The following DNAH3 variants were observed in gnomAD, a reference collection of about 807,000 sequenced individuals.
The protein encoded by DNAH3 is axonemal beta dynein heavy chain 3.
DNAH3 carries 332 observed loss-of-function variants against 432.5 expected under a neutral mutation model. The ratio of observed to expected loss-of-function variants is 0.77; its 90% CI spans 0.70 to 0.84. The LOEUF is 0.84. Ranked by LOEUF, DNAH3 falls within the 40% of genes least tolerant of loss-of-function variation. The probability of loss-of-function intolerance (pLI) is 0.00; values close to 1 mark genes in which losing one functional copy is unlikely to be tolerated. For missense variants in DNAH3, 4,861 were observed against 5,114.0 expected (o/e 0.95, Z 1.51); for synonymous variants, 1,956 against 1,900.2 (o/e 1.03, Z -0.76).
chr16:21,060,605 A>G (rs1597273519), intron 25 of DNAH3, among the ~76,000 whole-genome samples: 2 of 139,826 alleles, frequency 1.4e-5, no homozygotes, highest in South Asian at 4.5e-4. Context: ...GCTCACTGCA[A>G]CCTCCGACTC....
chr16:21,094,892 T>C (rs1308328935), intron 18 of DNAH3, among the ~76,000 whole-genome samples: 1 of 152,212 alleles, frequency 6.6e-6, no homozygotes, highest in African/African-American at 2.4e-5. Flanking sequence ...TCAGTTCCCC[T>C]GCACATGCTC....
At chr16:21,082,314 C>T (rs2091216876) in intron 19 of DNAH3, among the ~76,000 whole-genome samples, 1 of 152,168 alleles carries the variant, frequency 6.6e-6, no homozygotes, top group Non-Finnish European at 1.5e-5. Flanking sequence ...CCTCGACCTC[C>T]TGAGCAGCTG....
At chr16:20,944,608 C>T in exon 58 of DNAH3, 1 of 1,614,034 alleles carries the variant, frequency 6.2e-7, no homozygotes, top group Admixed American at 1.7e-5. Flanking sequence ...CTCATGGAGG[C>T]CGAACACTTC....
chr16:21,132,144 T>C (rs548466351), intron 7 of DNAH3, among the ~76,000 whole-genome samples: 1 of 152,190 alleles, frequency 6.6e-6, no homozygotes, highest in Non-Finnish European at 1.5e-5. Flanking sequence ...ACTGATGGGC[T>C]CTGTCCTACG....
At chr16:21,063,927 T>C (rs2090451294) in intron 24 of DNAH3, among the ~76,000 whole-genome samples, 1 of 152,134 alleles carries the variant, frequency 6.6e-6, no homozygotes, top group Non-Finnish European at 1.5e-5. Context: ...CTTCAGAAAA[T>C]GTCCAATATT....
chr16:21,145,180 C>T lies in DNAH3; in HGVS notation c.448+1G>A, dbSNP rs1052381719. On this transcript the variant is annotated splice_donor_variant, in intron 3 of 61. Transcript: ENST00000261383. LOFTEE classifies it high-confidence loss of function. Reference sequence around the variant, plus strand: ...CAAGGGTGTGACACTGCCACAAGTACCTGATGATGGCAGCCCCTGACCGGT... The same window carrying T: ...CAAGGGTGTGACACTGCCACAAGTATCTGATGATGGCAGCCCCTGACCGGT... 1.2e-6 allele frequency: 2 copies of T among 1,608,842 alleles called. No homozygotes were observed. Among genetic ancestry groups the T allele is most frequent in the Non-Finnish European group, 1.7e-6 (2 of 1,177,242 alleles).
chr16:21,040,484 C>T (rs1406831400), intron 32 of DNAH3, among the ~76,000 whole-genome samples: 1 of 150,524 alleles, frequency 6.6e-6, no homozygotes, highest in Non-Finnish European at 1.5e-5. Flanking sequence ...CGTGCCTCAG[C>T]CTCCCAAACA....
Position 21,104,711 on chromosome 16 carries a change from A to G in DNAH3, c.2285-159T>C, listed in dbSNP as rs1301754995. ...AGGAGTGGTGTGGGGGTGGCAATGAACACATGGATGAGTGACAGTGACATT... is the reference window on the plus strand; with the variant it reads ...AGGAGTGGTGTGGGGGTGGCAATGAGCACATGGATGAGTGACAGTGACATT... On this transcript the variant is annotated intron_variant, in intron 15 of 61. Transcript: ENST00000261383. The G allele has an allele frequency of 7.9e-6, 5 of 630,282 alleles. No individual in the cohort carries two copies. In the African/African-American group the frequency reaches 9.0e-5, roughly 11 times the overall value. 39.0% of individuals were successfully genotyped at this position (630,282 alleles called of 1,614,324 possible).
chr16:21,134,072 G>A (rs2092607024), intron 7 of DNAH3, 187 bp downstream of exon 8: 1 of 556,872 alleles, frequency 1.8e-6, no homozygotes, highest in African/African-American at 1.9e-5. Flanking sequence ...GGGACACAAA[G>A]GAGGGCCACG....
intron 27 of DNAH3, among the ~76,000 whole-genome samples, chr16:21,056,028 G>T (rs112947591): frequency 6.6e-6 from 1 of 152,142 alleles, no homozygotes; most frequent in Non-Finnish European, 1.5e-5. Context: ...ATGAGCCACC[G>T]TATCCTGCCC....
At position 21,131,065 on chromosome 16, in the gene DNAH3, G is replaced by A. The variant is rs113729632; in HGVS notation, c.1082+3194C>T. Among the ~76,000 whole-genome samples the A allele has an allele frequency of 3.1e-3, 466 of 152,248 alleles. 2 individuals are homozygous for A. The highest frequency in any genetic ancestry group is 8.7e-3 in the African/African-American group (363 of 41,546). The stretch of plus-strand genomic sequence containing the variant: ...TGTAGAACACAGGGTCAGACTAGGC[G>A]GTGGCTCATGCCTGTAATCGCAACA... On this transcript the variant is annotated intron_variant, in intron 7 of 61. Coordinates refer to ENST00000261383, the Ensembl canonical transcript of DNAH3.
intron 55 of DNAH3, 55 bp downstream of exon 55, chr16:20,954,758 A>C: frequency 6.3e-7 from 1 of 1,588,588 alleles, no homozygotes; most frequent in Non-Finnish European, 8.6e-7. Flanking sequence ...AAACACACCT[A>C]TATGTGTCTG....
rs187561549 is a variant in DNAH3, at chr16:20,992,572, C to A, written c.6602-4507G>T. On this transcript the variant is annotated intron_variant, in intron 44 of 61. Coordinates refer to ENST00000261383, the Ensembl canonical transcript of DNAH3. ...CGTGTTAGCCAGGTCGATCTCCTGA[C>A]CTCGTGATCTGCCTGCCTCAGCCTC... is the stretch of plus-strand genomic sequence containing the variant. 2.5e-3 allele frequency among the ~76,000 whole-genome samples: 379 copies of A among 152,230 alleles called. 2 individuals carry two copies. Among genetic ancestry groups the A allele is most frequent in the African/African-American group, 8.9e-3 (370 of 41,558 alleles).
At chr16:20,969,907 G>A in exon 52 of DNAH3, 1 of 1,614,174 alleles carries the variant, frequency 6.2e-7, no homozygotes, top group Non-Finnish European at 8.5e-7. Context: ...CCAGCGAGAT[G>A]TCGGCCGGGT....
chr16:20,936,428 A>G (rs565973922), intron 60 of DNAH3, among the ~76,000 whole-genome samples: 36 of 152,054 alleles, frequency 2.4e-4, no homozygotes, highest in Non-Finnish European at 4.0e-4. Context: ...AGTGCTGGCA[A>G]TACAGATGTG....
intron 33 of DNAH3, 132 bp downstream of exon 33, chr16:21,039,720 C>T: frequency 1.3e-6 from 1 of 770,036 alleles, no homozygotes; most frequent in Non-Finnish European, 2.3e-6. Context: ...GCTCTCAGAC[C>T]ACCCAGTAAG....
intron 44 of DNAH3, among the ~76,000 whole-genome samples, chr16:20,989,538 T>C (rs1597075139): frequency 6.6e-6 from 1 of 152,360 alleles, no homozygotes; most frequent in East Asian, 1.9e-4. Flanking sequence ...GACATAAAGG[T>C]TCTCCAAGTC....
At chr16:20,987,508 TCAG>T in intron 46 of DNAH3, 60 bp from the exon 47 acceptor site, 1 of 1,601,448 alleles carries the variant, frequency 6.2e-7, no homozygotes, top group Non-Finnish European at 8.5e-7. Context: ...GTGGTAGTTC[TCAG>T]TAGTAGGTAA....
chr16:21,004,457 T>C (rs2152694200), intron 41 of DNAH3, among the ~76,000 whole-genome samples: 1 of 152,210 alleles, frequency 6.6e-6, no homozygotes, highest in South Asian at 2.1e-4. Context: ...AACCTCCGCC[T>C]CCCGAGTTCA....
Sources: allele counts gnomAD v4.1 joint callset (sites outside exome capture counted in the v4.1 genomes callset), GRCh38; gene constraint gnomAD v4.1.1; transcripts MANE v1.5; gene names NCBI Gene and HGNC (gene_info 2026-07-23, HGNC 2026-07-21).